The following GRID2 variants were observed in gnomAD, a reference collection of about 807,000 sequenced individuals.
GRID2 encodes the protein glutamate receptor ionotropic, delta-2.
In GRID2, 33 loss-of-function variants were observed where a neutral mutation model predicts 114.8. That is an observed-to-expected ratio of 0.29 (90% CI 0.22 to 0.38). The LOEUF (loss-of-function observed/expected upper bound fraction) is 0.38. Among genes scored for constraint, GRID2 ranks in the 10% least tolerant of loss-of-function variants. The pLI is 1.00. For missense variants in GRID2, 1,184 were observed against 1,257.7 expected (o/e 0.94, Z 0.89); for synonymous variants, 505 against 449.9 (o/e 1.12, Z -1.55).
chr4:93,249,192 T>C (rs1322484908), intron 8 of GRID2, among the ~76,000 whole-genome samples: 1 of 152,124 alleles, frequency 6.6e-6, no homozygotes, highest in African/African-American at 2.4e-5. Flanking sequence ...AGTTGTGTGG[T>C]GCTATTTCTG....
intron 13 of GRID2, among the ~76,000 whole-genome samples, chr4:93,569,044 G>T (rs1735694623): frequency 6.6e-6 from 1 of 152,182 alleles, no homozygotes; most frequent in Non-Finnish European, 1.5e-5. Flanking sequence ...GTAAATGCCT[G>T]GAAGTTTAGA....
chr4:93,608,075 T>C (rs1443020537), intron 13 of GRID2, among the ~76,000 whole-genome samples: 3 of 147,230 alleles, frequency 2.0e-5, no homozygotes, highest in Non-Finnish European at 3.0e-5. Context: ...TAAGTATATA[T>C]ATGCATATAT....
intron 2 of GRID2, among the ~76,000 whole-genome samples, chr4:92,611,118 GTGTGTGTGTGTGCA>G (rs570324638): frequency 0.015 from 2,098 of 144,596 alleles, 13 homozygotes; most frequent in Middle Eastern, 0.035. Context: ...GTGTGTGTAT[GTGTGTGTGTGTGCA>G]TGTGTGTGTG....
intron 1 of GRID2, among the ~76,000 whole-genome samples, chr4:92,337,496 A>G (rs1262405285): frequency 1.3e-5 from 2 of 152,154 alleles, no homozygotes; most frequent in East Asian, 1.9e-4. Flanking sequence ...AGCTAAGTGT[A>G]TTAGTCTGTT....
chr4:93,806,269 T>G (rs1229395440), intron 1 of GRID2, among the ~76,000 whole-genome samples: 2 of 152,210 alleles, frequency 1.3e-5, no homozygotes, highest in Non-Finnish European at 2.9e-5. Flanking sequence ...AAAGTCAAGA[T>G]GTAAGATTCA....
At chr4:92,493,241 T>C (rs1006418273) in intron 1 of GRID2, among the ~76,000 whole-genome samples, 3 of 152,070 alleles carry the variant, frequency 2.0e-5, no homozygotes, top group Admixed American at 6.6e-5. Flanking sequence ...AAGAGGGCAT[T>C]ATAAAACTAT....
chr4:93,053,708 A>G (rs1726944374), intron 2 of GRID2, among the ~76,000 whole-genome samples: 1 of 151,994 alleles, frequency 6.6e-6, no homozygotes, highest in African/African-American at 2.4e-5. Context: ...TCAAATAACG[A>G]AATGCCAGCA....
chr4:93,525,754 C>T (rs1308233749), intron 13 of GRID2, among the ~76,000 whole-genome samples: 2 of 152,096 alleles, frequency 1.3e-5, no homozygotes, highest in African/African-American at 2.4e-5. Context: ...AACACAGAGA[C>T]CCTAACATCA....
Position 93,428,505 on chromosome 4 carries a change from AC to A in GRID2, c.1545+5538del, listed in dbSNP as rs1040024353. On this transcript the variant is annotated intron_variant, in intron 10 of 15. Transcript: ENST00000282020. ...CAGAAAAAAAGATTTTATACCTAAA[AC>A]TTTATAGTCACTGGTTATTTAAAAA... Among the ~76,000 whole-genome samples, 117 of 152,228 alleles carry A rather than the reference AC, an allele frequency of 7.7e-4. 2 individuals carry two copies. The highest frequency in any genetic ancestry group is 2.5e-3 in the African/African-American group (105 of 41,554).
At chr4:93,211,782 T>A (rs1743509998) in intron 5 of GRID2, among the ~76,000 whole-genome samples, 1 of 152,162 alleles carries the variant, frequency 6.6e-6, no homozygotes, top group African/African-American at 2.4e-5. Flanking sequence ...AGCACTTTTA[T>A]CTGAACAAGG....
At chr4:92,339,400 C>T (rs1727356268) in intron 1 of GRID2, among the ~76,000 whole-genome samples, 1 of 152,064 alleles carries the variant, frequency 6.6e-6, no homozygotes. Context: ...CATTAACTAT[C>T]CTATGATAGC....
intron 13 of GRID2, among the ~76,000 whole-genome samples, chr4:93,532,403 C>A (rs745317595): frequency 6.6e-6 from 1 of 152,156 alleles, no homozygotes; most frequent in Non-Finnish European, 1.5e-5. Flanking sequence ...TGATTCTCAT[C>A]TAATACCTTA....
chr4:93,715,191 C>A (rs1728806024), intron 14 of GRID2, among the ~76,000 whole-genome samples: 1 of 152,170 alleles, frequency 6.6e-6, no homozygotes, highest in Admixed American at 6.5e-5. Flanking sequence ...ATAGGGAATC[C>A]TTTCCCCATT....
chr4:93,637,031 A>G (rs1159255367), intron 14 of GRID2, among the ~76,000 whole-genome samples: 1 of 152,222 alleles, frequency 6.6e-6, no homozygotes, highest in Non-Finnish European at 1.5e-5. Context: ...ATTACATAAA[A>G]GAGCAGGAAT....
intron 1 of GRID2, among the ~76,000 whole-genome samples, chr4:92,383,841 A>G (rs1513457): frequency 0.33 from 49,563 of 151,722 alleles, 9,185 homozygotes; most frequent in East Asian, 0.7. Flanking sequence ...TAGCTTCATG[A>G]TATTTAATTA....
intron 1 of GRID2, among the ~76,000 whole-genome samples, chr4:92,416,678 T>A (rs2110314480): frequency 6.6e-6 from 1 of 152,256 alleles, no homozygotes; most frequent in Non-Finnish European, 1.5e-5. Flanking sequence ...TGCCACTTCA[T>A]GTTTTTGTTT....
intron 4 of GRID2, among the ~76,000 whole-genome samples, chr4:93,128,419 A>G (rs1194399024): frequency 6.6e-6 from 1 of 152,218 alleles, no homozygotes; most frequent in Non-Finnish European, 1.5e-5. Flanking sequence ...GAAATTTTGA[A>G]ATATGGAAAT....
At chr4:93,335,074 G>A (rs1758905056) in intron 8 of GRID2, among the ~76,000 whole-genome samples, 1 of 151,768 alleles carries the variant, frequency 6.6e-6, no homozygotes, top group South Asian at 2.1e-4. Context: ...ATTTTAATAT[G>A]TCAATACTCA....
intron 2 of GRID2, among the ~76,000 whole-genome samples, chr4:93,072,230 A>G (rs890909967): frequency 6.6e-6 from 1 of 152,072 alleles, no homozygotes; most frequent in Admixed American, 6.6e-5. Context: ...TAACCAAATA[A>G]CCCAACATCC....
Sources: gnomAD v4.1 joint callset for allele counts (sites outside exome capture counted in the v4.1 genomes callset) on GRCh38, gnomAD v4.1.1 for gene constraint, MANE v1.5 for transcripts, NCBI Gene and HGNC (gene_info 2026-07-23, HGNC 2026-07-21) for gene names.